Variants in TARS1 observed in about 807,000 individuals in gnomAD.
The protein encoded by TARS1 is threonine--tRNA ligase 1, cytoplasmic.
TARS1 carries 57 observed loss-of-function variants against 97.7 expected under a neutral mutation model. The observed-to-expected ratio is 0.58, with a 90% CI of 0.47 to 0.73. TARS1 has a LOEUF of 0.73. Among genes scored for constraint, TARS1 ranks in the 30% least tolerant of loss-of-function variants. The pLI is 0.00. For synonymous variants in TARS1, 312 were observed against 293.7 expected, an observed-to-expected ratio of 1.06 and a Z score of -0.64; for missense variants, 806 against 888.3, an observed-to-expected ratio of 0.91 and a Z score of 1.18.
chr5:33,443,306 C>CTCTCT lies in TARS1; in HGVS notation c.58-2018_58-2017insTCTCT, dbSNP rs1561066108. On this transcript the variant is annotated intron_variant, in intron 1 of 18. Transcript: ENST00000265112. The stretch of plus-strand genomic sequence containing the variant: ...AACCAGAAAACCTTTGTGGTGATTC[C>CTCTCT]CTCTCTCTCTCTCCCTCTCTCTCTC... 1.1e-3 allele frequency among the ~76,000 whole-genome samples: 94 copies of CTCTCT among 85,558 alleles called. 1 individual carries two copies. The highest frequency in any genetic ancestry group is 7.0e-3 in the South Asian group (17 of 2,412). The allele number at this position is 85,558 out of a possible 152,430, so 56.1% of individuals were successfully genotyped here.
rs1375568268 is a variant in TARS1 at position 33,457,381 on chromosome 5, G to A, written c.962G>A (p.Arg321Gln). 6 of 1,613,888 alleles carry A rather than the reference G, an allele frequency of 3.7e-6. No individual in the cohort carries two copies. Among genetic ancestry groups the A allele is most frequent in the South Asian group, 2.2e-5 (2 of 91,068 alleles). Residue 321 changes from arginine (R) to glutamine (Q), a missense_variant, in exon 9 of 19, where the codon CGA (arginine) becomes CAA (glutamine). Transcript: ENST00000265112. ...AAGTTCCAAGAGGAAGCTAAAAACC[G>A]AGATCATAGGAAAATTGGCAGGGTA... ...WEKFQEEAKN[R>Q]DHRKIGRDQE...
intron 13 of TARS1, 135 bp from the exon 14 acceptor site, chr5:33,461,532 A>T (rs1742291179): frequency 7.9e-6 from 8 of 1,014,184 alleles, no homozygotes; most frequent in Admixed American, 2.7e-5. Flanking sequence ...GTATGAGCAT[A>T]TGTTCAGGTG....
chr5:33,463,394 A>T (rs1742385487), intron 16 of TARS1, among the ~76,000 whole-genome samples: 1 of 152,236 alleles, frequency 6.6e-6, no homozygotes, highest in African/African-American at 2.4e-5. Flanking sequence ...TGAACAATTA[A>T]TCACTACATG....
chr5:33,442,348 A>G (rs1047970664), intron 1 of TARS1, among the ~76,000 whole-genome samples: 2 of 127,718 alleles, frequency 1.6e-5, no homozygotes, highest in South Asian at 2.4e-4. Context: ...TTTTTGCTTA[A>G]TAGAATGTGG....
intron 3 of TARS1, among the ~76,000 whole-genome samples, chr5:33,449,714 C>T (rs1741634401): frequency 6.6e-6 from 1 of 151,998 alleles, no homozygotes; most frequent in Non-Finnish European, 1.5e-5. Flanking sequence ...CTCGGCCTCC[C>T]AAAGTGCTGG....
intron 6 of TARS1, 90 bp from the exon 7 acceptor site, chr5:33,455,912 A>G: frequency 3.5e-6 from 4 of 1,147,348 alleles, no homozygotes; most frequent in Middle Eastern, 2.3e-4. Flanking sequence ...ATCAACATTT[A>G]TATTCATACA....
chr5:33,461,782 C>G, intron 14 of TARS1, 38 bp downstream of exon 14: 1 of 1,603,012 alleles, frequency 6.2e-7, no homozygotes, highest in Non-Finnish European at 8.5e-7. Context: ...ATGATTTTCA[C>G]TTGTGGATGA....
At chr5:33,466,040 A>AT (rs1218092245) in intron 17 of TARS1, 1 of 152,204 alleles carries the variant, frequency 6.6e-6, no homozygotes, top group African/African-American at 2.4e-5. Context: ...TGTGATGGTG[A>AT]TTCTGCTAGT....
chr5:33,449,343 G>C (rs184369147), intron 3 of TARS1, among the ~76,000 whole-genome samples: 1 of 101,010 alleles, frequency 9.9e-6, no homozygotes, highest in Non-Finnish European at 2.1e-5. Context: ...ATATATACAC[G>C]TGTATATATA....
chr5:33,440,763 G>A, upstream of TARS1: 1 of 464,014 alleles, frequency 2.2e-6, no homozygotes, highest in Non-Finnish European at 3.8e-6. Context: ...ACTCTGGAAA[G>A]CGTCCAGACC....
chr5:33,446,695 G>A (rs957565577), intron 2 of TARS1: 4 of 1,289,400 alleles, frequency 3.1e-6, no homozygotes, highest in East Asian at 5.5e-5. Flanking sequence ...ATTTTGACAC[G>A]AAATTCTAAT....
chr5:33,461,305 G>A lies in TARS1; in HGVS notation c.1551+10G>A. 6.2e-7 allele frequency: 1 copy of A among 1,607,224 alleles called. No homozygotes were observed. ...GGATCAAGCTGAGAAAGTAAGTGGT[G>A]TTTTTCAGCGTGCTTTTGAATACTG... On this transcript the variant is annotated intron_variant, in intron 13 of 18. Coordinates refer to ENST00000265112, the MANE Select transcript of TARS1 (RefSeq NM_152295.5).
intron 4 of TARS1, among the ~76,000 whole-genome samples, chr5:33,453,636 A>G (rs895309900): frequency 4.6e-5 from 7 of 152,140 alleles, no homozygotes; most frequent in African/African-American, 1.2e-4. Flanking sequence ...AGACACTTCA[A>G]TAGGGAAAAT....
chr5:33,452,846 G>A (rs1226100841), intron 3 of TARS1, among the ~76,000 whole-genome samples: 1 of 151,580 alleles, frequency 6.6e-6, no homozygotes. Flanking sequence ...GAGAAAACTC[G>A]GTGTGGTGAC....
At position 33,462,000 on chromosome 5, in the gene TARS1, A is replaced by G. The variant is rs549703883; in HGVS notation, c.1724A>G (p.Tyr575Cys). 15 of 1,613,640 alleles carry G rather than the reference A, an allele frequency of 9.3e-6. No homozygotes were observed. In the South Asian group the frequency reaches 1.6e-4, roughly 18 times the overall value. ...TTGCCCATCAGATTTAATCTTACTT[A>G]TGTAAGGTGAGTTTCTGGTGTCTGC... ...FQLPIRFNLT[Y>C]VSHDGDDKKR... Residue 575 changes from tyrosine to cysteine, a missense_variant, in exon 15 of 19, where the codon TAT (tyrosine) becomes TGT (cysteine). Around this residue, in one of 3 missense-constraint regions of TARS1, gnomAD observed 446 missense variants for 511.0 expected, o/e 0.87. Coordinates refer to ENST00000265112, the MANE Select transcript of TARS1 (RefSeq NM_152295.5).
intron 3 of TARS1, among the ~76,000 whole-genome samples, chr5:33,452,740 G>A (rs1331203992): frequency 6.6e-6 from 1 of 151,756 alleles, no homozygotes; most frequent in African/African-American, 2.4e-5. Context: ...ATTTTAAGCA[G>A]GAAGAGGAAC....
At chr5:33,462,295 G>A (rs1579591851) in intron 16 of TARS1, 92 bp downstream of exon 16, 1 of 1,169,934 alleles carries the variant, frequency 8.5e-7, no homozygotes, top group East Asian at 2.4e-5. Context: ...TGGAAAGGGA[G>A]AATGATTCCA....
chr5:33,441,355 G>A (rs1741086463), intron 1 of TARS1: 2 of 586,360 alleles, frequency 3.4e-6, no homozygotes, highest in Admixed American at 6.0e-5. Context: ...TTCATCTGTG[G>A]GTCCATTCTC....
In TARS1 at chr5:33,461,702, G is replaced by C; in HGVS notation, c.1587G>C (p.Lys529Asn). Reference sequence around the variant, plus strand: ...ACAGTCTGAATGAATTTGGTGAAAAGTGGGAGTTAAACTCTGGAGATGGAG... The same window carrying C: ...ACAGTCTGAATGAATTTGGTGAAAACTGGGAGTTAAACTCTGGAGATGGAG... ...LENSLNEFGE[K>N]WELNSGDGAF... Residue 529 changes from lysine to asparagine, a missense_variant, in exon 14 of 19, where the codon AAG (lysine) becomes AAC (asparagine). Lys to Asn is a moderately conservative substitution (Grantham distance 94). Transcript: ENST00000265112. The C allele has an allele frequency of 6.2e-7, 1 of 1,614,136 alleles. No homozygotes were observed. The highest frequency in any genetic ancestry group is 1.7e-5 in the Admixed American group (1 of 60,014).
Sources: gnomAD v4.1 joint callset for allele counts (sites outside exome capture counted in the v4.1 genomes callset) on GRCh38, gnomAD v4.1.1 for gene constraint, gnomAD v4.1.1 regional missense constraint, MANE v1.5 for transcripts, NCBI Gene and HGNC (gene_info 2026-07-23, HGNC 2026-07-21) for gene names.